MEIS3: variants seen among roughly 807,000 people sequenced by gnomAD.
The protein encoded by MEIS3 is Meis homeobox 3.
A neutral mutation model predicts 51.4 loss-of-function variants in MEIS3; 38 were observed. The observed-to-expected ratio is 0.74, with a 90% CI of 0.57 to 0.97. The LOEUF (loss-of-function observed/expected upper bound fraction) is 0.97. Ranked by LOEUF, MEIS3 falls within the 50% of genes least tolerant of loss-of-function variation. The pLI, the probability that MEIS3 is intolerant of heterozygous loss-of-function variation, is 0.00. For missense variants in MEIS3, 456 were observed against 502.6 expected (o/e 0.91, Z 0.89); for synonymous variants, 198 against 201.8 (o/e 0.98, Z 0.16).
Position 47,417,320 on chromosome 19 carries a change from C to A in MEIS3, c.43G>T (p.Val15Leu), listed in dbSNP as rs1971488323. The A allele has an allele frequency of 6.2e-7, 1 of 1,613,638 alleles. No homozygotes were observed. The highest frequency in any genetic ancestry group is 8.5e-7 in the Non-Finnish European group (1 of 1,179,862). The change falls in exon 2 of 13, where the codon GTG (valine) becomes TTG (leucine). Residue 15 changes from valine to leucine, a missense_variant. Coordinates refer to ENST00000558555, the MANE Select transcript of MEIS3 (RefSeq NM_001301059.2). ...YDELPHYPGI[V>L]DGPAALASFP... ...CTAGCCAGGGCTGCGGGGCCATCCACGATGCCTGGGTAGTGCGGCAGCTCA... is the reference window on the plus strand; with the variant it reads ...CTAGCCAGGGCTGCGGGGCCATCCAAGATGCCTGGGTAGTGCGGCAGCTCA...
chr19:47,413,928 G>A (rs906078101), intron 6 of MEIS3, among the ~76,000 whole-genome samples: 2 of 151,628 alleles, frequency 1.3e-5, no homozygotes, highest in Non-Finnish European at 2.9e-5. Context: ...GTAGAGACGG[G>A]GTTTCACCGT....
At chr19:47,414,196 GGTCA>G (rs773390549) in intron 6 of MEIS3, among the ~76,000 whole-genome samples, 52 of 152,234 alleles carry the variant, frequency 3.4e-4, no homozygotes, top group Non-Finnish European at 5.9e-4. Context: ...AGGGCACCGT[GGTCA>G]GTCCGGGCCC....
At chr19:47,407,166 A>C in intron 9 of MEIS3, 29 bp from the exon 10 acceptor site, 1 of 1,600,210 alleles carries the variant, frequency 6.2e-7, no homozygotes, top group Non-Finnish European at 8.5e-7. Flanking sequence ...AACGGAGGGG[A>C]ATGAAAAGAG....
chr19:47,410,879 A>G (rs1334054699), intron 6 of MEIS3, among the ~76,000 whole-genome samples: 1 of 152,230 alleles, frequency 6.6e-6, no homozygotes, highest in Non-Finnish European at 1.5e-5. Flanking sequence ...ACACAGGTCT[A>G]TGGCATCTTA....
chr19:47,416,541 A>T, intron 4 of MEIS3, 111 bp downstream of exon 4: 1 of 840,780 alleles, frequency 1.2e-6, no homozygotes, highest in Non-Finnish European at 1.8e-6. Flanking sequence ...CGGTTTGGGG[A>T]CATGGACCAG....
intron 4 of MEIS3, 24 bp from the exon 5 acceptor site, chr19:47,415,125 GGGGAGACAGAGGGAATTGGGGGA>G: frequency 6.8e-7 from 1 of 1,463,314 alleles, no homozygotes; most frequent in Non-Finnish European, 9.3e-7. Context: ...CGGGAGGTGG[GGGGAGACAGAGGGAATTGGGGGA>G]GGGAGCAGGG....
chr19:47,406,735 G>A (rs549043513), intron 11 of MEIS3, among the ~76,000 whole-genome samples, 153 bp downstream of exon 11: 1 of 152,360 alleles, frequency 6.6e-6, no homozygotes, highest in South Asian at 2.1e-4. Context: ...GGAAAAGATG[G>A]GGGACCAGGA....
Position 47,404,702 on chromosome 19 carries a change from T to G in MEIS3, c.*18-1149A>C, listed in dbSNP as rs1970737419. ...CCTCTAGTCTGGGTCAGATGCCCCC[T>G]CCTCCAGGAAGCCCTCTCTAAACAC... On this transcript the variant is annotated intron_variant, in intron 12 of 12. Transcript: ENST00000558555. Among the ~76,000 whole-genome samples, 3 of 151,964 alleles carry G rather than the reference T, an allele frequency of 2.0e-5. No individual in the cohort carries two copies. The South Asian group carries it at 6.2e-4, about 32-fold the overall frequency.
rs761325193 is a variant in MEIS3, at chr19:47,414,781, C to T, written c.533G>A (p.Arg178Gln). The change falls in exon 6 of 13, where the codon CGG becomes CAG. Residue 178 changes from arginine to glutamine, a missense_variant. Physicochemically the swap from Arg to Gln is conservative, Grantham distance 43. Transcript: ENST00000558555. ...KMPIDLVIEDRDGGCREDFED... is the reference protein window; with the variant it reads ...KMPIDLVIEDQDGGCREDFED... The stretch of plus-strand genomic sequence containing the variant: ...GAAGTCCTCCCTGCAGCCGCCGTCC[C>T]GATCCTCGATGACCAGGTCGATGGG... The T allele has an allele frequency of 5.6e-6, 9 of 1,613,420 alleles. No homozygotes were observed. The highest frequency in any genetic ancestry group is 2.2e-5 in the East Asian group (1 of 44,872).
upstream of MEIS3, among the ~76,000 whole-genome samples, chr19:47,421,270 C>G (rs532620119): frequency 5.9e-5 from 9 of 152,256 alleles, no homozygotes; most frequent in Non-Finnish European, 7.4e-5. Flanking sequence ...GTGGAGCCCT[C>G]TATGAGTAGA....
intron 6 of MEIS3, among the ~76,000 whole-genome samples, chr19:47,413,242 A>G (rs1971225128): frequency 6.6e-6 from 1 of 151,830 alleles, no homozygotes; most frequent in African/African-American, 2.4e-5. Context: ...ACTGAACAAA[A>G]ATTAGCCCGG....
Position 47,419,129 on chromosome 19 carries a change from G to C in MEIS3, c.-48C>G. 1 of 1,225,774 alleles carries C rather than the reference G, an allele frequency of 8.2e-7. No homozygotes were observed. The highest frequency in any genetic ancestry group is 1.0e-6 in the Non-Finnish European group (1 of 982,824). 75.9% of individuals were successfully genotyped at this position (1,225,774 alleles called of 1,614,324 possible). A position where few individuals can be genotyped will look rare whatever the true frequency, so the allele number is the denominator to read the frequency against. On this transcript the variant is annotated 5_prime_UTR_variant, in exon 1 of 13. Transcript: ENST00000558555. Reference sequence around the variant, plus strand: ...CTGGGTCCCTCCAGAGCCTGGCCGCGGGGGAGGGCGCAGCCCGGGGCCGCA... The same window carrying C: ...CTGGGTCCCTCCAGAGCCTGGCCGCCGGGGAGGGCGCAGCCCGGGGCCGCA...
upstream of MEIS3, among the ~76,000 whole-genome samples, chr19:47,420,614 G>A (rs983739245): frequency 2.1e-5 from 3 of 145,654 alleles, no homozygotes; most frequent in South Asian, 2.1e-4. Flanking sequence ...GAGGGAGTGG[G>A]GGACAGGAGC....
chr19:47,412,580 G>A (rs1258587259), intron 6 of MEIS3, among the ~76,000 whole-genome samples: 1 of 151,850 alleles, frequency 6.6e-6, no homozygotes, highest in African/African-American at 2.4e-5. Flanking sequence ...TTGTTTTTTT[G>A]AGACAGAGTC....
upstream of MEIS3, among the ~76,000 whole-genome samples, chr19:47,421,275 A>C (rs552411516): frequency 6.6e-6 from 1 of 151,818 alleles, no homozygotes; most frequent in East Asian, 1.9e-4. Flanking sequence ...GCCCTCTATG[A>C]GTAGATCTGG....
intron 7 of MEIS3, 62 bp downstream of exon 7, chr19:47,409,374 C>T (rs1251677684): frequency 1.5e-5 from 23 of 1,571,486 alleles, no homozygotes; most frequent in African/African-American, 2.7e-5. Context: ...GTCTTACTTG[C>T]GATCTAACTT....
At chr19:47,415,573 C>T (rs10420095) in intron 4 of MEIS3, among the ~76,000 whole-genome samples, 104,526 of 115,338 alleles carry the variant, frequency 0.91, 47,099 homozygotes, top group East Asian at 0.93. Context: ...CTCTCTCTCT[C>T]TTTTTTTTTT....
chr19:47,415,194 GAC>G, intron 4 of MEIS3, 93 bp from the exon 5 acceptor site: 2 of 786,906 alleles, frequency 2.5e-6, no homozygotes, highest in Non-Finnish European at 4.4e-6. Flanking sequence ...AGGAAGAGGA[GAC>G]ACAGAGAAAC....
At chr19:47,410,880 T>C (rs1433782025) in intron 6 of MEIS3, among the ~76,000 whole-genome samples, 3 of 152,250 alleles carry the variant, frequency 2.0e-5, no homozygotes, top group Admixed American at 6.5e-5. Context: ...CACAGGTCTA[T>C]GGCATCTTAT....
Sources: gnomAD v4.1 joint callset for allele counts (sites outside exome capture counted in the v4.1 genomes callset) on GRCh38, gnomAD v4.1.1 for gene constraint, MANE v1.5 for transcripts, NCBI Gene and HGNC (gene_info 2026-07-23, HGNC 2026-07-21) for gene names.